The following DLG2 variants were observed in gnomAD, a reference collection of about 807,000 sequenced individuals.
The protein encoded by DLG2 is disks large homolog 2.
In DLG2, 45 loss-of-function variants were observed where a neutral mutation model predicts 132.5. The ratio of observed to expected loss-of-function variants is 0.34; its 90% confidence interval spans 0.27 to 0.44. The LOEUF is 0.44. Among genes scored for constraint, DLG2 ranks in the 20% least tolerant of loss-of-function variants. DLG2 has a pLI of 1.00. For synonymous variants in DLG2, 424 were observed against 419.6 expected, an observed-to-expected ratio of 1.01 and a Z score of -0.13; for missense variants, 1,045 against 1,196.9, an observed-to-expected ratio of 0.87 and a Z score of 1.87.
chr11:84,832,430 T>C (rs2079160156), intron 6 of DLG2, among the ~76,000 whole-genome samples: 1 of 151,506 alleles, frequency 6.6e-6, no homozygotes, highest in Non-Finnish European at 1.5e-5. Flanking sequence ...ATCTTAGGAG[T>C]GGCCTTTCTT....
At chr11:84,421,829 G>A (rs2098951852) in intron 7 of DLG2, among the ~76,000 whole-genome samples, 1 of 152,174 alleles carries the variant, frequency 6.6e-6, no homozygotes, top group Non-Finnish European at 1.5e-5. Context: ...TGAGGAATCT[G>A]TGCTTTGCTC....
intron 6 of DLG2, among the ~76,000 whole-genome samples, chr11:84,834,984 A>C (rs1016101845): frequency 6.6e-6 from 1 of 151,648 alleles, no homozygotes; most frequent in African/African-American, 2.4e-5. Flanking sequence ...AAGACTTCTC[A>C]TTGACTTTAG....
At chr11:84,921,760 G>A (rs887092595) in intron 6 of DLG2, among the ~76,000 whole-genome samples, 2 of 152,118 alleles carry the variant, frequency 1.3e-5, no homozygotes, top group Non-Finnish European at 2.9e-5. Flanking sequence ...AACAATGCAT[G>A]TCATACCCAT....
At chr11:85,020,794 T>C in intron 6 of DLG2, 1 of 720,304 alleles carries the variant, frequency 1.4e-6, no homozygotes. Flanking sequence ...ATCCTCTCCT[T>C]CCTCAGCCTC....
At chr11:85,277,605 A>G (rs972963679) in intron 4 of DLG2, among the ~76,000 whole-genome samples, 1 of 152,186 alleles carries the variant, frequency 6.6e-6, no homozygotes, top group African/African-American at 2.4e-5. Context: ...CAGCCTCAGC[A>G]AAGTAACTAC....
chr11:84,431,640 C>G (rs928911552), intron 7 of DLG2, among the ~76,000 whole-genome samples: 8 of 151,908 alleles, frequency 5.3e-5, no homozygotes, highest in Non-Finnish European at 1.0e-4. Flanking sequence ...TATGATATAT[C>G]TCAGTGTTCC....
In DLG2 at chr11:85,309,819, T is replaced by C. The variant is rs564642478; in HGVS notation, c.41-24454A>G. Among the ~76,000 whole-genome samples the C allele has an allele frequency of 4.6e-5, 7 of 152,330 alleles. No homozygotes were observed. In the South Asian group the frequency reaches 1.4e-3, roughly 32 times the overall value. On this transcript the variant is annotated intron_variant, in intron 3 of 27. Transcript: ENST00000376104. The stretch of plus-strand genomic sequence containing the variant: ...TCATCTTACCCTGATTCCTGCAGGC[T>C]GAGTCTGGTGCCCTTGTTCTGTGTT...
chr11:83,877,741 C>G (rs1345569044), intron 15 of DLG2, among the ~76,000 whole-genome samples: 44 of 152,108 alleles, frequency 2.9e-4, no homozygotes, highest in Admixed American at 2.9e-3. Context: ...ATACAGTGAA[C>G]TAAGATAAAT....
At chr11:85,509,544 T>C (rs2094010130) in intron 3 of DLG2, among the ~76,000 whole-genome samples, 1 of 152,066 alleles carries the variant, frequency 6.6e-6, no homozygotes, top group African/African-American at 2.4e-5. Flanking sequence ...TAGCCTTTTC[T>C]TGTGAAAGAC....
chr11:85,546,135 T>C (rs1450583440), intron 3 of DLG2, among the ~76,000 whole-genome samples: 1 of 152,224 alleles, frequency 6.6e-6, no homozygotes. Context: ...TTTAGTGCTA[T>C]AAATTTCCCT....
intron 18 of DLG2, among the ~76,000 whole-genome samples, chr11:83,679,175 A>G (rs2078295257): frequency 1.3e-5 from 2 of 152,232 alleles, no homozygotes; most frequent in Admixed American, 6.5e-5. Flanking sequence ...ATATTTAAAC[A>G]AAATTTTCTT....
chr11:83,905,937 A>G (rs974997532), intron 15 of DLG2, among the ~76,000 whole-genome samples: 3 of 151,996 alleles, frequency 2.0e-5, no homozygotes, highest in African/African-American at 7.2e-5. Context: ...TGCACTATAA[A>G]AGCTCACAAA....
intron 11 of DLG2, among the ~76,000 whole-genome samples, chr11:84,025,871 T>C (rs1191202774): frequency 2.0e-5 from 3 of 152,052 alleles, no homozygotes; most frequent in African/African-American, 4.8e-5. Flanking sequence ...CAAAGCCAAA[T>C]TGTGTAAGCA....
chr11:84,551,032 T>C (rs1180204681), intron 6 of DLG2, among the ~76,000 whole-genome samples: 3 of 152,182 alleles, frequency 2.0e-5, no homozygotes, highest in Admixed American at 6.5e-5. Context: ...GGGCTTGATC[T>C]ATCCAGCTGC....
At chr11:84,306,957 G>C (rs576002752) in intron 7 of DLG2, among the ~76,000 whole-genome samples, 4 of 152,100 alleles carry the variant, frequency 2.6e-5, no homozygotes, top group Non-Finnish European at 5.9e-5. Context: ...ACTTAAAAAA[G>C]AACTACCATT....
At chr11:84,243,351 A>C (rs2154344965) in intron 8 of DLG2, among the ~76,000 whole-genome samples, 1 of 152,180 alleles carries the variant, frequency 6.6e-6, no homozygotes, top group South Asian at 2.1e-4. Context: ...AAGGTCTAGA[A>C]AGTAGGACAA....
Position 85,508,206 on chromosome 11 carries a change from T to C in DLG2, c.40+90451A>G, listed in dbSNP as rs11234354. Among the ~76,000 whole-genome samples the C allele has an allele frequency of 7.3e-3, 1,116 of 152,252 alleles. 4 individuals are homozygous for C. The highest frequency in any genetic ancestry group is 0.019 in the South Asian group (91 of 4,826). The stretch of plus-strand genomic sequence containing the variant: ...TTACCAATCATGTGAAGCTTACTTA[T>C]GTCAACTCGTCAAAGTCACTCTCCA... On this transcript the variant is annotated intron_variant, in intron 3 of 27. Coordinates refer to ENST00000376104, the MANE Select transcript of DLG2 (RefSeq NM_001142699.3).
At chr11:83,878,289 C>G (rs548189192) in intron 15 of DLG2, among the ~76,000 whole-genome samples, 2 of 152,118 alleles carry the variant, frequency 1.3e-5, no homozygotes, top group Admixed American at 6.6e-5. Context: ...TCATCAATGT[C>G]TTTTTGAATG....
chr11:83,617,258 T>C (rs755403421), intron 19 of DLG2, among the ~76,000 whole-genome samples: 37 of 152,228 alleles, frequency 2.4e-4, no homozygotes, highest in African/African-American at 8.4e-4. Context: ...AATGAAATCT[T>C]TGCCACATTG....
Sources: allele counts gnomAD v4.1 joint callset (sites outside exome capture counted in the v4.1 genomes callset), GRCh38; gene constraint gnomAD v4.1.1; transcripts MANE v1.5; gene names NCBI Gene and HGNC (gene_info 2026-07-23, HGNC 2026-07-21).